SEMA3A: variants seen among roughly 807,000 people sequenced by gnomAD.
SEMA3A encodes semaphorin-3A.
In SEMA3A, 29 loss-of-function variants were observed where a neutral mutation model predicts 97.9. That is an observed-to-expected ratio of 0.30 (90% confidence interval 0.22 to 0.40). The LOEUF (loss-of-function observed/expected upper bound fraction) is 0.40, where lower values mean the gene tolerates loss of function less well. SEMA3A is among the 10% of genes least tolerant of loss of function. The probability of loss-of-function intolerance (pLI) is 1.00; values close to 1 mark genes in which losing one functional copy is unlikely to be tolerated. For missense variants in SEMA3A, 763 were observed against 951.3 expected (o/e 0.80, Z 2.60); for synonymous variants, 321 against 323.7 (o/e 0.99, Z 0.09).
chr7:84,016,031 G>A (rs1449930302), intron 6 of SEMA3A, among the ~76,000 whole-genome samples: 2 of 151,874 alleles, frequency 1.3e-5, no homozygotes, highest in Non-Finnish European at 2.9e-5. Flanking sequence ...GCTTTCTTTT[G>A]TTCAAAAATT....
chr7:84,383,514 C>A (rs916586764), intron 1 of SEMA3A, among the ~76,000 whole-genome samples: 2 of 152,104 alleles, frequency 1.3e-5, no homozygotes, highest in African/African-American at 2.4e-5. Flanking sequence ...ACAGCTATAG[C>A]AAATTTACAC....
intron 1 of SEMA3A, among the ~76,000 whole-genome samples, chr7:84,145,935 C>T (rs1468274977): frequency 6.6e-6 from 1 of 152,136 alleles, no homozygotes; most frequent in Admixed American, 6.5e-5. Context: ...GTTTTGCTAT[C>T]TCATTTTATG....
At chr7:84,421,192 T>A (rs1804580951) in intron 1 of SEMA3A, among the ~76,000 whole-genome samples, 1 of 152,004 alleles carries the variant, frequency 6.6e-6, no homozygotes, top group Non-Finnish European at 1.5e-5. Context: ...ATATTTTATA[T>A]AAAACCCTGG....
chr7:84,034,818 ATGGAGTTGTT>A (rs1791884307), intron 6 of SEMA3A, among the ~76,000 whole-genome samples: 1 of 151,670 alleles, frequency 6.6e-6, no homozygotes, highest in Admixed American at 6.6e-5. Context: ...GACTGCTCAT[ATGGAGTTGTT>A]TGCGTAGGTA....
At chr7:84,351,568 T>C (rs1180226379) in intron 2 of SEMA3A, among the ~76,000 whole-genome samples, 1 of 151,968 alleles carries the variant, frequency 6.6e-6, no homozygotes, top group Admixed American at 6.6e-5. Context: ...AATATCTGAA[T>C]AGATATTTTT....
intron 4 of SEMA3A, among the ~76,000 whole-genome samples, chr7:84,073,736 C>G (rs1016249882): frequency 1.3e-5 from 2 of 151,872 alleles, no homozygotes; most frequent in African/African-American, 4.8e-5. Flanking sequence ...TGGCCGTTTA[C>G]AGGAATTTTA....
chr7:84,085,779 T>G (rs1794316329), intron 4 of SEMA3A, among the ~76,000 whole-genome samples: 1 of 152,166 alleles, frequency 6.6e-6, no homozygotes, highest in African/African-American at 2.4e-5. Context: ...TATCTTCCTT[T>G]TCCTTTTAAA....
intron 2 of SEMA3A, among the ~76,000 whole-genome samples, chr7:84,353,134 T>G (rs1031775049): frequency 6.6e-6 from 1 of 151,778 alleles, no homozygotes; most frequent in Non-Finnish European, 1.5e-5. Flanking sequence ...AATGTAAATG[T>G]TATGTAAATA....
chr7:84,463,937 T>C (rs1335399839), intron 1 of SEMA3A, among the ~76,000 whole-genome samples: 1 of 152,158 alleles, frequency 6.6e-6, no homozygotes, highest in South Asian at 2.1e-4. Context: ...ACCTGATATA[T>C]AGTGAACACT....
intron 1 of SEMA3A, among the ~76,000 whole-genome samples, chr7:84,403,006 G>A (rs544496927): frequency 2.0e-5 from 3 of 152,110 alleles, no homozygotes; most frequent in African/African-American, 7.2e-5. Context: ...ATTTCCAACT[G>A]AGGTAATGGG....
At chr7:84,381,290 T>C (rs1803252825) in intron 1 of SEMA3A, among the ~76,000 whole-genome samples, 1 of 152,156 alleles carries the variant, frequency 6.6e-6, no homozygotes, top group African/African-American at 2.4e-5. Flanking sequence ...AGCAGGTCAG[T>C]CATGGTGTTA....
intron 1 of SEMA3A, among the ~76,000 whole-genome samples, chr7:84,441,546 A>G (rs1805273813): frequency 1.3e-5 from 2 of 152,120 alleles, no homozygotes; most frequent in Non-Finnish European, 2.9e-5. Context: ...AATGCCTTAG[A>G]GACCTATAGA....
intron 4 of SEMA3A, among the ~76,000 whole-genome samples, chr7:84,109,115 C>T (rs1795206456): frequency 6.6e-6 from 1 of 151,940 alleles, no homozygotes; most frequent in Admixed American, 6.6e-5. Flanking sequence ...TGATGTATTA[C>T]AATAGGAATT....
At chr7:84,438,585 G>A (rs1805194129) in intron 1 of SEMA3A, among the ~76,000 whole-genome samples, 1 of 152,058 alleles carries the variant, frequency 6.6e-6, no homozygotes, top group African/African-American at 2.4e-5. Context: ...AATTATCAAA[G>A]ATTGCCAGAA....
At chr7:84,119,798 A>G (rs1028316464) in intron 3 of SEMA3A, among the ~76,000 whole-genome samples, 2 of 152,166 alleles carry the variant, frequency 1.3e-5, no homozygotes, top group East Asian at 3.9e-4. Flanking sequence ...ATATGAGGTA[A>G]GAAGATATTG....
At chr7:83,988,860 CTT>C (rs11309468) in intron 12 of SEMA3A, among the ~76,000 whole-genome samples, 58 of 132,700 alleles carry the variant, frequency 4.4e-4, no homozygotes, top group East Asian at 3.4e-3. Context: ...GGATATTCAG[CTT>C]TTTTTTTTTT....
intron 6 of SEMA3A, among the ~76,000 whole-genome samples, chr7:84,034,418 C>G (rs2116472084): frequency 6.6e-6 from 1 of 152,226 alleles, no homozygotes; most frequent in Non-Finnish European, 1.5e-5. Flanking sequence ...AAATTAATGG[C>G]AAAATTAATT....
intron 3 of SEMA3A, among the ~76,000 whole-genome samples, chr7:84,123,617 A>G (rs2115996521): frequency 6.6e-6 from 1 of 150,548 alleles, no homozygotes; most frequent in East Asian, 1.9e-4. Flanking sequence ...ATGCGCAGGC[A>G]CACACACACA....
intron 4 of SEMA3A, among the ~76,000 whole-genome samples, chr7:84,083,054 T>C (rs957585577): frequency 6.6e-6 from 1 of 151,824 alleles, no homozygotes. Context: ...AAACCTTAGA[T>C]TGTCAAAATG....
Sources: gnomAD v4.1 joint callset for allele counts (sites outside exome capture counted in the v4.1 genomes callset) on GRCh38, gnomAD v4.1.1 for gene constraint, MANE v1.5 for transcripts, NCBI Gene and HGNC (gene_info 2026-07-23, HGNC 2026-07-21) for gene names.